LRRC37A: variants seen among roughly 807,000 people sequenced by gnomAD.
LRRC37A encodes the protein leucine rich repeat containing 37A, also known as leucine-rich repeat-containing protein 37A.
In LRRC37A, 3 loss-of-function variants were observed where a neutral mutation model predicts 35.4. The ratio of observed to expected loss-of-function variants is 0.08; its 90% CI spans 0.04 to 0.22. The LOEUF (loss-of-function observed/expected upper bound fraction) is 0.22. LRRC37A is among the 10% of genes least tolerant of loss of function. LRRC37A has a pLI of 1.00. For missense variants in LRRC37A, 67 were observed against 565.3 expected (o/e 0.12, Z 8.94); for synonymous variants, 23 against 215.0 (o/e 0.11, Z 7.81).
At chr17:46,279,777 G>A in the LRRC37A span, among the ~76,000 whole-genome samples, 5 of 152,166 alleles carry the variant, frequency 3.3e-5, no homozygotes, top group African/African-American at 1.2e-4. Context: ...TTACAGGCAT[G>A]AACCACCATT....
chr17:46,270,729 A>G, the LRRC37A span, among the ~76,000 whole-genome samples: 2 of 152,198 alleles, frequency 1.3e-5, no homozygotes, highest in African/African-American at 4.8e-5. Context: ...CAACATAGCG[A>G]AACTCTGTCT....
chr17:46,271,164 CTTT>C, the LRRC37A span, among the ~76,000 whole-genome samples: 2 of 121,288 alleles, frequency 1.6e-5, no homozygotes, highest in Non-Finnish European at 1.7e-5. Flanking sequence ...GTAATAGTTT[CTTT>C]TTTTTTTTTT....
the LRRC37A span, chr17:46,267,380 C>G: frequency 9.2e-7 from 1 of 1,088,084 alleles, no homozygotes; most frequent in Non-Finnish European, 1.4e-6. Flanking sequence ...TGGCTGGTGA[C>G]CCTGCTGGTG....
At chr17:46,257,774 A>T in the LRRC37A span, among the ~76,000 whole-genome samples, 1 of 151,470 alleles carries the variant, frequency 6.6e-6, no homozygotes, top group South Asian at 2.1e-4. Flanking sequence ...ATGAGCCATG[A>T]TCATACCACT....
At chr17:46,248,233 A>C in the LRRC37A span, among the ~76,000 whole-genome samples, 1 of 151,934 alleles carries the variant, frequency 6.6e-6, no homozygotes, top group South Asian at 2.1e-4. Context: ...TTCTTAAGTC[A>C]GGTTTATTGA....
At chr17:46,255,604 A>G in the LRRC37A span, among the ~76,000 whole-genome samples, 21,527 of 150,930 alleles carry the variant, frequency 0.14, 2,105 homozygotes, top group Middle Eastern at 0.22. Context: ...GACCTCAGGT[A>G]ATCTGCTGAC....
At chr17:46,266,212 T>G in the LRRC37A span, among the ~76,000 whole-genome samples, 1 of 152,212 alleles carries the variant, frequency 6.6e-6, no homozygotes, top group East Asian at 1.9e-4. Flanking sequence ...GTTGTTGACC[T>G]AATCTAGAAA....
the LRRC37A span, among the ~76,000 whole-genome samples, chr17:46,280,793 C>T: frequency 1.3e-5 from 2 of 152,078 alleles, no homozygotes; most frequent in Non-Finnish European, 2.9e-5. Flanking sequence ...AGGATGGTCT[C>T]GAAATGCTGA....
the LRRC37A span, among the ~76,000 whole-genome samples, chr17:46,286,537 C>G: frequency 2.0e-5 from 3 of 152,134 alleles, no homozygotes; most frequent in African/African-American, 7.2e-5. Context: ...TCATTAATTT[C>G]TATGTTACAT....
the LRRC37A span, among the ~76,000 whole-genome samples, chr17:46,269,303 GC>G: frequency 6.6e-6 from 1 of 152,190 alleles, no homozygotes; most frequent in Non-Finnish European, 1.5e-5. Context: ...AGAGGCCGAG[GC>G]GGGTGGATCA....
intron 10 of LRRC37A, among the ~76,000 whole-genome samples, chr17:46,332,889 T>A: frequency 6.6e-6 from 1 of 151,366 alleles, no homozygotes; most frequent in East Asian, 1.9e-4. Flanking sequence ...TGAATCCCAC[T>A]AGACTATTTT....
At chr17:46,287,250 T>TGATG in the LRRC37A span, among the ~76,000 whole-genome samples, 8 of 152,330 alleles carry the variant, frequency 5.3e-5, no homozygotes, top group African/African-American at 1.9e-4. Context: ...AACCACACAC[T>TGATG]GATGGTAATG....
chr17:46,278,214 G>A, the LRRC37A span, among the ~76,000 whole-genome samples: 1 of 151,900 alleles, frequency 6.6e-6, no homozygotes, highest in African/African-American at 2.4e-5. Flanking sequence ...CCCAAGTGCT[G>A]GGATTACAGG....
chr17:46,265,298 TTCTTCTTCTTCTTCTTCC>T, the LRRC37A span, among the ~76,000 whole-genome samples: 1 of 81,008 alleles, frequency 1.2e-5, no homozygotes, highest in Non-Finnish European at 3.4e-5. Context: ...CTTCTTCTTC[TTCTTCTTCTTCTTCTTCC>T]TCTTCTTCTT....
At chr17:46,256,742 G>C in the LRRC37A span, among the ~76,000 whole-genome samples, 1 of 152,126 alleles carries the variant, frequency 6.6e-6, no homozygotes, top group South Asian at 2.1e-4. Flanking sequence ...ATCTTAGCAG[G>C]CTCTTGACCC....
the LRRC37A span, among the ~76,000 whole-genome samples, chr17:46,250,886 T>TCTCTTCCTCTTCCTCTTCCTCTCCTTC: frequency 6.6e-6 from 1 of 151,334 alleles, no homozygotes; most frequent in Non-Finnish European, 1.5e-5. Context: ...TCCTCTTCCT[T>TCTCTTCCTCTTCCTCTTCCTCTCCTTC]CTCTTCCTCT....
intron 10 of LRRC37A, among the ~76,000 whole-genome samples, chr17:46,333,175 A>G (rs1463559178): frequency 3.9e-5 from 4 of 101,372 alleles, no homozygotes; most frequent in Non-Finnish European, 9.7e-5. Context: ...AAAGCACTAC[A>G]GAGTAGCCAT....
At chr17:46,271,555 A>G in the LRRC37A span, among the ~76,000 whole-genome samples, 3 of 152,152 alleles carry the variant, frequency 2.0e-5, no homozygotes, top group Non-Finnish European at 4.4e-5. Context: ...AAGTGTGCAG[A>G]GATCTGAAAG....
At chr17:46,262,787 GAAA>G in the LRRC37A span, among the ~76,000 whole-genome samples, 3 of 124,716 alleles carry the variant, frequency 2.4e-5, no homozygotes, top group Admixed American at 1.7e-4. Context: ...CTCGGTCTTG[GAAA>G]AAAAAAAAAA....
Sources: gnomAD v4.1 joint callset for allele counts (sites outside exome capture counted in the v4.1 genomes callset) on GRCh38, gnomAD v4.1.1 for gene constraint, MANE v1.5 for transcripts, NCBI Gene and HGNC (gene_info 2026-07-23, HGNC 2026-07-21) for gene names.